The following CNTN5 variants were observed in gnomAD, a reference collection of about 807,000 sequenced individuals.
The protein encoded by CNTN5 is contactin-5.
CNTN5 carries 77 observed loss-of-function variants against 129.1 expected under a neutral mutation model. That is an observed-to-expected ratio of 0.60 (90% CI 0.50 to 0.72). The LOEUF (loss-of-function observed/expected upper bound fraction) is 0.72. CNTN5 is among the 30% of genes least tolerant of loss of function. The probability of loss-of-function intolerance (pLI) is 0.00; values close to 1 mark genes in which losing one functional copy is unlikely to be tolerated. For synonymous variants in CNTN5, 509 were observed against 465.6 expected (o/e 1.09, Z -1.20); for missense variants, 1,478 against 1,328.8 (o/e 1.11, Z -1.75).
chr11:99,173,654 T>A lies in CNTN5; in HGVS notation c.-209-151692T>A, dbSNP rs778008044. On this transcript the variant is annotated intron_variant, in intron 1 of 24. Transcript: ENST00000524871. ...CTGAACAATTATGTGGATTATTACATAGAAAAGGTGAGAAGAAGGATTGAG... is the reference window on the plus strand; with the variant it reads ...CTGAACAATTATGTGGATTATTACAAAGAAAAGGTGAGAAGAAGGATTGAG... Among the ~76,000 whole-genome samples, 4 of 152,078 alleles carry A rather than the reference T, an allele frequency of 2.6e-5. 1 individual carries two copies. The highest frequency in any genetic ancestry group is 4.4e-5 in the Non-Finnish European group (3 of 68,020).
intron 16 of CNTN5, among the ~76,000 whole-genome samples, chr11:100,243,979 C>G (rs992326431): frequency 3.3e-5 from 5 of 152,082 alleles, no homozygotes; most frequent in Admixed American, 3.3e-4. Flanking sequence ...CCAATTTATC[C>G]AAGTATGAAA....
chr11:100,041,366 C>G (rs773381019), intron 9 of CNTN5, among the ~76,000 whole-genome samples: 10 of 152,148 alleles, frequency 6.6e-5, no homozygotes, highest in Non-Finnish European at 1.2e-4. Flanking sequence ...TCTATGAATT[C>G]CACCTCTATC....
At chr11:99,034,925 G>C (rs61891084) in intron 1 of CNTN5, among the ~76,000 whole-genome samples, 27,155 of 148,372 alleles carry the variant, frequency 0.18, 2,200 homozygotes, top group East Asian at 0.32. Context: ...AAATTTCCCT[G>C]TACACACTGC....
intron 7 of CNTN5, among the ~76,000 whole-genome samples, chr11:99,935,548 T>A (rs1950297643): frequency 6.6e-6 from 1 of 152,122 alleles, no homozygotes; most frequent in South Asian, 2.1e-4. Context: ...CAATGAACAT[T>A]AATAGAGAAC....
chr11:99,813,958 A>T, intron 3 of CNTN5, among the ~76,000 whole-genome samples: 1 of 152,162 alleles, frequency 6.6e-6, no homozygotes, highest in East Asian at 1.9e-4. Flanking sequence ...GAATACTTTT[A>T]CCATATACAG....
chr11:99,740,447 T>A (rs1261249847), intron 3 of CNTN5, among the ~76,000 whole-genome samples: 1 of 152,176 alleles, frequency 6.6e-6, no homozygotes, highest in Non-Finnish European at 1.5e-5. Context: ...ATAAGATTTA[T>A]GTTTTGAGAA....
intron 2 of CNTN5, among the ~76,000 whole-genome samples, chr11:99,335,478 G>A (rs964873667): frequency 4.0e-5 from 6 of 151,890 alleles, no homozygotes; most frequent in African/African-American, 1.5e-4. Context: ...AATGAAAATA[G>A]TTTAACAGGA....
intron 2 of CNTN5, among the ~76,000 whole-genome samples, chr11:99,498,643 G>T (rs533645423): frequency 6.6e-6 from 1 of 152,170 alleles, no homozygotes; most frequent in Non-Finnish European, 1.5e-5. Context: ...ATACAAATAG[G>T]CTCTGATCTG....
At chr11:99,036,491 A>C (rs1426166486) in intron 1 of CNTN5, among the ~76,000 whole-genome samples, 2 of 152,196 alleles carry the variant, frequency 1.3e-5, no homozygotes, top group Admixed American at 6.6e-5. Context: ...TTATATGAAT[A>C]GTTCCTCACC....
intron 10 of CNTN5, among the ~76,000 whole-genome samples, chr11:100,068,700 A>T (rs1442805747): frequency 6.6e-6 from 1 of 152,172 alleles, no homozygotes; most frequent in Non-Finnish European, 1.5e-5. Flanking sequence ...AATATTTGAA[A>T]CTCACTATGG....
At chr11:99,516,832 G>A (rs540906366) in intron 2 of CNTN5, among the ~76,000 whole-genome samples, 24 of 152,098 alleles carry the variant, frequency 1.6e-4, no homozygotes, top group African/African-American at 5.3e-4. Flanking sequence ...CATTTGGAAT[G>A]CACATAAAAA....
chr11:99,173,891 G>A (rs1857646233), intron 1 of CNTN5, among the ~76,000 whole-genome samples: 1 of 152,138 alleles, frequency 6.6e-6, no homozygotes, highest in South Asian at 2.1e-4. Context: ...CAAGGATGGT[G>A]GCTCTATAAT....
In CNTN5 at chr11:99,696,621, C is replaced by G. The variant is rs1436190558; in HGVS notation, c.56-122923C>G. Among the ~76,000 whole-genome samples the G allele has an allele frequency of 2.0e-5, 3 of 150,690 alleles. No homozygotes were observed. The East Asian group carries it at 5.8e-4, about 29-fold the overall frequency. On this transcript the variant is annotated intron_variant, in intron 3 of 24. Transcript: ENST00000524871. Reference sequence around the variant, plus strand: ...TAGTAGTACAAGTACCATCAGTAGTCATTCTTTTTTTTTTTTAACTTTTTA... The same window carrying G: ...TAGTAGTACAAGTACCATCAGTAGTGATTCTTTTTTTTTTTTAACTTTTTA...
intron 1 of CNTN5, among the ~76,000 whole-genome samples, chr11:99,044,894 G>C (rs980227824): frequency 6.6e-6 from 1 of 152,128 alleles, no homozygotes; most frequent in Non-Finnish European, 1.5e-5. Flanking sequence ...GAACAAACAA[G>C]TTGCCTGAGT....
chr11:100,161,287 C>T (rs920976336), intron 13 of CNTN5, among the ~76,000 whole-genome samples: 1 of 151,574 alleles, frequency 6.6e-6, no homozygotes, highest in African/African-American at 2.4e-5. Context: ...AGGCCCAAGC[C>T]CCAATAGAGA....
chr11:99,444,071 G>A (rs1251912830), intron 2 of CNTN5, among the ~76,000 whole-genome samples: 2 of 151,976 alleles, frequency 1.3e-5, no homozygotes, highest in East Asian at 3.9e-4. Flanking sequence ...GGTGGTGGGC[G>A]CCTGTAGTCC....
At chr11:99,223,575 T>C (rs1448336218) in intron 1 of CNTN5, among the ~76,000 whole-genome samples, 1 of 152,138 alleles carries the variant, frequency 6.6e-6, no homozygotes, top group Admixed American at 6.6e-5. Context: ...GAATCATAGG[T>C]GTGAAAAGTT....
At chr11:99,272,116 G>C (rs1439908444) in intron 1 of CNTN5, among the ~76,000 whole-genome samples, 2 of 151,768 alleles carry the variant, frequency 1.3e-5, no homozygotes, top group Non-Finnish European at 2.9e-5. Context: ...TAGTCGATTT[G>C]TTCACAAGAA....
intron 2 of CNTN5, among the ~76,000 whole-genome samples, chr11:99,516,743 T>A (rs1302135074): frequency 2.6e-5 from 4 of 152,150 alleles, no homozygotes; most frequent in South Asian, 4.1e-4. Flanking sequence ...TGAATTTTTT[T>A]AAGATTTCTT....
Sources: allele counts gnomAD v4.1 joint callset (sites outside exome capture counted in the v4.1 genomes callset), GRCh38; gene constraint gnomAD v4.1.1; transcripts MANE v1.5; gene names NCBI Gene and HGNC (gene_info 2026-07-23, HGNC 2026-07-21).